The following UBE2O variants were observed in gnomAD, a reference collection of about 807,000 sequenced individuals.
The protein encoded by UBE2O is (E3-independent) E2 ubiquitin-conjugating enzyme.
Under a neutral mutation model 125.8 loss-of-function variants are expected in UBE2O, and 15 were observed. That is an observed-to-expected ratio of 0.12 (90% CI 0.08 to 0.18). The LOEUF (loss-of-function observed/expected upper bound fraction) is 0.18, where lower values mean the gene tolerates loss of function less well. Ranked by LOEUF, UBE2O falls within the 10% of genes least tolerant of loss-of-function variation. The probability of loss-of-function intolerance (pLI) is 1.00; values close to 1 mark genes in which losing one functional copy is unlikely to be tolerated. For missense variants in UBE2O, 1,280 were observed against 1,723.6 expected, an observed-to-expected ratio of 0.74 and a Z score of 4.56; for synonymous variants, 708 against 703.2, an observed-to-expected ratio of 1.01 and a Z score of -0.11.
chr17:76,391,472 C>A lies in UBE2O; in HGVS notation c.3350G>T (p.Arg1117Leu). 1 of 1,613,872 alleles carries A rather than the reference C, an allele frequency of 6.2e-7. No homozygotes were observed. Among genetic ancestry groups the A allele is most frequent in the Middle Eastern group, 1.6e-4 (1 of 6,062 alleles). ...CTGCTCAAAGACCTCGGGGGGCCGC[C>A]GCACCAGCTGGGTCATGGACTGCAC... ...RVVQSMTQLV[R>L]RPPEVFEQEI... The change falls in exon 18 of 18, where the codon CGG (arginine) becomes CTG (leucine). Residue 1117 changes from arginine (R) to leucine (L), a missense_variant. Around this residue, in one of 10 missense-constraint regions of UBE2O, gnomAD observed 233 missense variants for 279.0 expected, o/e 0.84. Coordinates refer to ENST00000319380, the MANE Select transcript of UBE2O (RefSeq NM_022066.4). This position sits in a 1 kb window ranked among gnomAD's most constrained non-coding sequence, Gnocchi z 8.4.
chr17:76,427,081 G>A (rs1010807156), intron 1 of UBE2O, among the ~76,000 whole-genome samples: 5 of 152,194 alleles, frequency 3.3e-5, no homozygotes, highest in Non-Finnish European at 5.9e-5. Flanking sequence ...TTTCACTGTT[G>A]AACCTGGGGA....
intron 1 of UBE2O, among the ~76,000 whole-genome samples, chr17:76,425,225 C>CAAAAAAAAAAAAAAAAAAAAAA (rs58377572): frequency 3.2e-5 from 3 of 95,078 alleles, no homozygotes; most frequent in African/African-American, 1.0e-4. Flanking sequence ...GTCCTTTCGA[C>CAAAAAAAAAAAAAAAAAAAAAA]AAAAAAAAAA....
Position 76,403,114 on chromosome 17 carries a change from C to A in UBE2O, c.589-415G>T, listed in dbSNP as rs572039233. Among the ~76,000 whole-genome samples, 41 of 152,224 alleles carry A rather than the reference C, an allele frequency of 2.7e-4. 2 individuals are homozygous for A. In the South Asian group the frequency reaches 8.3e-3, roughly 31 times the overall value. On this transcript the variant is annotated intron_variant, in intron 3 of 17. Coordinates refer to ENST00000319380, the MANE Select transcript of UBE2O (RefSeq NM_022066.4). Reference sequence around the variant, plus strand: ...AGTGCTCTGAGTAAATACGTTAACACATCAAGGATATCGAGAGCCAAGTCC... The same window carrying A: ...AGTGCTCTGAGTAAATACGTTAACAAATCAAGGATATCGAGAGCCAAGTCC...
In UBE2O at chr17:76,452,544, T is replaced by C. The variant is rs1452105116; in HGVS notation, c.417+181A>G. 6.6e-6 allele frequency among the ~76,000 whole-genome samples: 1 copy of C among 152,218 alleles called. No homozygotes were observed. The highest frequency in any genetic ancestry group is 2.4e-5 in the African/African-American group (1 of 41,470). On this transcript the variant is annotated intron_variant, in intron 1 of 17. Transcript: ENST00000319380. This position sits in a 1 kb window ranked among gnomAD's most constrained non-coding sequence, Gnocchi z 4.4. ...CCGGGCCAGCAGTGCCTGGCTGGCG[T>C]GTGCGCCCAGAGCTGCTGCAATGAC...
At chr17:76,430,556 A>G (rs900159586) in intron 1 of UBE2O, 61 of 265,160 alleles carry the variant, frequency 2.3e-4, no homozygotes, top group Admixed American at 5.5e-4. Flanking sequence ...AGAGCTCATG[A>G]ATCAGATCCT....
Position 76,392,105 on chromosome 17 carries a change from G to C in UBE2O, c.2955C>G (p.Phe985Leu). ...VKTFEDRMDL[F>L]SALIKGPTRT... The stretch of plus-strand genomic sequence containing the variant: ...GAGTGGGGCCCTTGATGAGAGCTGA[G>C]AAGAGGTCCTAGGTAGGGAGGGAGG... Residue 985 changes from phenylalanine (F) to leucine (L), a missense_variant, in exon 16 of 18, where the codon TTC becomes TTG. This residue lies in a region of UBE2O where 116 missense variants were observed against 154.8 expected (regional missense o/e 0.75). Coordinates refer to ENST00000319380, the MANE Select transcript of UBE2O (RefSeq NM_022066.4). The C allele has an allele frequency of 3.1e-6, 2 of 637,884 alleles. No individual in the cohort carries two copies. Among genetic ancestry groups the C allele is most frequent in the Non-Finnish European group, 4.9e-6 (2 of 404,330 alleles). 39.5% of individuals were successfully genotyped at this position (637,884 alleles called of 1,614,324 possible).
chr17:76,450,923 G>A lies in UBE2O; in HGVS notation c.417+1802C>T, dbSNP rs536162790. Among the ~76,000 whole-genome samples, 8 of 152,252 alleles carry A rather than the reference G, an allele frequency of 5.3e-5. No individual in the cohort carries two copies. In the East Asian group the frequency reaches 1.2e-3, roughly 22 times the overall value. ...GCATGAGCTACCACACCCGGCCGTT[G>A]TTTTCGATTTAACTCCAAAATAGGT... On this transcript the variant is annotated intron_variant, in intron 1 of 17. Transcript: ENST00000319380.
intron 1 of UBE2O, among the ~76,000 whole-genome samples, chr17:76,424,207 C>CTT (rs569775028): frequency 0.44 from 46,271 of 105,034 alleles, 12,368 homozygotes; most frequent in Non-Finnish European, 0.59. Flanking sequence ...CGCGCCCGGC[C>CTT]TTTTTTTTTT....
chr17:76,405,075 G>T lies in UBE2O; in HGVS notation c.588+131C>A. The stretch of plus-strand genomic sequence containing the variant: ...ACAAGGCTACAGGAGCCAGCTGGCT[G>T]CTGTGCTCCGCCTTCTGACCCAGGA... On this transcript the variant is annotated intron_variant, in intron 3 of 17. Coordinates refer to ENST00000319380, the MANE Select transcript of UBE2O (RefSeq NM_022066.4). The surrounding 1 kb of genome is among the most constrained non-coding windows in gnomAD (Gnocchi z 6.1). The T allele has an allele frequency of 1.6e-6, 1 of 641,118 alleles. No homozygotes were observed. The highest frequency in any genetic ancestry group is 2.7e-6 in the Non-Finnish European group (1 of 373,938). The allele number at this position is 641,118 out of a possible 1,614,324, so 39.7% of individuals were successfully genotyped here.
rs758423491 is a variant in UBE2O at position 76,396,120 on chromosome 17, T to G, written c.2809+8A>C. 5.0e-6 allele frequency: 8 copies of G among 1,610,742 alleles called. No individual in the cohort carries two copies. The African/African-American group carries it at 1.1e-4, about 22-fold the overall frequency. ...GGGAAGGCGAAGACCAGGCAAGGGC[T>G]GACTCACAGGGTGCAAACTCCAGTA... is the stretch of plus-strand genomic sequence containing the variant. On this transcript the variant is annotated splice_region_variant and intron_variant, in intron 14 of 17. Coordinates refer to ENST00000319380, the MANE Select transcript of UBE2O (RefSeq NM_022066.4). The surrounding 1 kb of genome is among the most constrained non-coding windows in gnomAD (Gnocchi z 6.7).
chr17:76,397,741 C>T (rs1051839872), intron 13 of UBE2O, 58 bp downstream of exon 13: 1 of 1,558,688 alleles, frequency 6.4e-7, no homozygotes, highest in Non-Finnish European at 8.8e-7. Context: ...CGCCTGTGGC[C>T]CCCGGCCCAA....
chr17:76,430,416 C>T (rs1041577606), intron 1 of UBE2O: 5 of 193,178 alleles, frequency 2.6e-5, no homozygotes, highest in Admixed American at 6.1e-5. Context: ...CGGTAGACAC[C>T]GCAGTTCATT....
At chr17:76,406,731 G>A (rs2072429101) in intron 1 of UBE2O, among the ~76,000 whole-genome samples, 1 of 116,646 alleles carries the variant, frequency 8.6e-6, no homozygotes, top group East Asian at 2.6e-4. Context: ...ATGGAGTCTC[G>A]CTGTGTTGCC....
chr17:76,416,357 T>G (rs978792575), intron 1 of UBE2O, among the ~76,000 whole-genome samples: 7 of 152,136 alleles, frequency 4.6e-5, no homozygotes, highest in African/African-American at 1.7e-4. Flanking sequence ...ACCTGCTGCC[T>G]GGGAATCATC....
chr17:76,402,535 T>A lies in UBE2O; in HGVS notation c.686+67A>T. 7.2e-7 allele frequency: 1 copy of A among 1,387,808 alleles called. No homozygotes were observed. Among genetic ancestry groups the A allele is most frequent in the Non-Finnish European group, 1.0e-6 (1 of 974,950 alleles). The allele number at this position is 1,387,808 out of a possible 1,614,324, so 86.0% of individuals were successfully genotyped here. ...TCACTGTCCCCAGGAGGAAACACCC[T>A]CCTCCTCCCCTCTTTCCAAGAGGCT... On this transcript the variant is annotated intron_variant, in intron 4 of 17. Transcript: ENST00000319380. The surrounding 1 kb of genome is among the most constrained non-coding windows in gnomAD (Gnocchi z 5.4).
intron 1 of UBE2O, among the ~76,000 whole-genome samples, chr17:76,424,860 T>C (rs1459928286): frequency 6.7e-6 from 1 of 148,858 alleles, no homozygotes; most frequent in Non-Finnish European, 1.5e-5. Flanking sequence ...TTTTTTTTTT[T>C]TTATTTTTTA....
intron 1 of UBE2O, among the ~76,000 whole-genome samples, chr17:76,409,203 C>T (rs2072475387): frequency 6.6e-6 from 1 of 152,132 alleles, no homozygotes; most frequent in Non-Finnish European, 1.5e-5. Context: ...CTCCTAACCT[C>T]GTGATCTGCC....
rs1482443698 is a variant in UBE2O, at chr17:76,391,509, G to T, written c.3313C>A (p.Leu1105Met). 6 of 1,613,962 alleles carry T rather than the reference G, an allele frequency of 3.7e-6. No homozygotes were observed. In the East Asian group the frequency reaches 8.9e-5, roughly 24 times the overall value. ...ENSRCYNEMA[L>M]IRVVQSMTQL... ...GTCATGGACTGCACCACGCGGATCAGCGCCATCTCATTGTAACAGCGACTG... is the reference window on the plus strand; with the variant it reads ...GTCATGGACTGCACCACGCGGATCATCGCCATCTCATTGTAACAGCGACTG... The change falls in exon 18 of 18, where the codon CTG (leucine) becomes ATG (methionine). Residue 1105 changes from leucine to methionine, a missense_variant. Coordinates refer to ENST00000319380, the MANE Select transcript of UBE2O (RefSeq NM_022066.4). The surrounding 1 kb of genome is among the most constrained non-coding windows in gnomAD (Gnocchi z 8.4).
chr17:76,401,576 T>C (rs2143711586), intron 5 of UBE2O, among the ~76,000 whole-genome samples: 1 of 152,124 alleles, frequency 6.6e-6, no homozygotes, highest in East Asian at 1.9e-4. Context: ...CTACCAAAAA[T>C]GCAAATAAAA....
Sources: allele counts gnomAD v4.1 joint callset (sites outside exome capture counted in the v4.1 genomes callset), GRCh38; gene constraint gnomAD v4.1.1; regional missense constraint gnomAD v4.1.1; non-coding constraint Gnocchi (gnomAD v3.1); transcripts MANE v1.5; gene names NCBI Gene and HGNC (gene_info 2026-07-23, HGNC 2026-07-21).